CPQ: variants seen among roughly 807,000 people sequenced by gnomAD.
CPQ encodes carboxypeptidase Q, also known as Ser-Met dipeptidase.
In CPQ, 37 loss-of-function variants were observed where a neutral mutation model predicts 45.7. The observed-to-expected ratio is 0.81, with a 90% confidence interval of 0.62 to 1.07. The LOEUF is 1.07. Ranked by LOEUF, CPQ falls within the 50% of genes least tolerant of loss-of-function variation. The pLI, the probability that CPQ is intolerant of heterozygous loss-of-function variation, is 0.00. For synonymous variants in CPQ, 186 were observed against 205.8 expected, an observed-to-expected ratio of 0.90 and a Z score of 0.82; for missense variants, 537 against 572.9, an observed-to-expected ratio of 0.94 and a Z score of 0.64.
intron 4 of CPQ, among the ~76,000 whole-genome samples, chr8:96,924,097 G>A (rs1390332823): frequency 6.6e-6 from 1 of 152,128 alleles, no homozygotes; most frequent in African/African-American, 2.4e-5. Flanking sequence ...AGAAGACAAG[G>A]GCATGCATAG....
At chr8:97,135,130 A>T (rs1230174069) in intron 7 of CPQ, among the ~76,000 whole-genome samples, 1 of 152,212 alleles carries the variant, frequency 6.6e-6, no homozygotes, top group Admixed American at 6.5e-5. Context: ...AAGGTTTCCA[A>T]AGAGATAGAA....
chr8:96,770,930 T>A (rs1810534887), intron 1 of CPQ, among the ~76,000 whole-genome samples: 2 of 148,854 alleles, frequency 1.3e-5, no homozygotes, highest in South Asian at 4.2e-4. Context: ...TCCCTCCTTA[T>A]AACCCAAAGA....
At chr8:96,847,725 A>G (rs1253368870) in intron 3 of CPQ, among the ~76,000 whole-genome samples, 1 of 152,154 alleles carries the variant, frequency 6.6e-6, no homozygotes, top group African/African-American at 2.4e-5. Flanking sequence ...TAGAATATGC[A>G]AATAAAGATC....
intron 1 of CPQ, among the ~76,000 whole-genome samples, chr8:96,744,025 C>T (rs952963905): frequency 6.6e-6 from 1 of 152,232 alleles, no homozygotes; most frequent in African/African-American, 2.4e-5. Flanking sequence ...TTCCTGGCTC[C>T]TTTGTTTACC....
chr8:97,024,946 G>A (rs567962410), intron 5 of CPQ, among the ~76,000 whole-genome samples: 1 of 152,168 alleles, frequency 6.6e-6, no homozygotes, highest in Non-Finnish European at 1.5e-5. Context: ...GATCACAGAA[G>A]GGAGAATGAT....
At position 96,686,518 on chromosome 8, in the gene CPQ, A is replaced by G. The variant is rs191166486; in HGVS notation, c.-35+41116A>G. Among the ~76,000 whole-genome samples the G allele has an allele frequency of 3.9e-5, 6 of 152,078 alleles. No homozygotes were observed. The East Asian group carries it at 1.2e-3, about 29-fold the overall frequency. ...ATTATATTAATAGATTTATTGTTAT[A>G]CATTATTCTTTTATTTGGTGCATAA... On this transcript the variant is annotated intron_variant, in intron 1 of 7. Coordinates refer to ENST00000220763, the MANE Select transcript of CPQ (RefSeq NM_016134.4).
At chr8:96,652,923 C>T (rs1226574288) in intron 1 of CPQ, among the ~76,000 whole-genome samples, 3 of 152,128 alleles carry the variant, frequency 2.0e-5, no homozygotes, top group East Asian at 3.9e-4. Flanking sequence ...CGTGAGCCAC[C>T]GCACCCGGCC....
intron 7 of CPQ, among the ~76,000 whole-genome samples, chr8:97,115,969 G>T (rs1210985941): frequency 6.6e-6 from 1 of 152,090 alleles, no homozygotes; most frequent in Non-Finnish European, 1.5e-5. Flanking sequence ...ATAAAGGCAA[G>T]GACACTTAAA....
At chr8:97,139,194 C>G (rs998119767) in intron 7 of CPQ, among the ~76,000 whole-genome samples, 7 of 152,058 alleles carry the variant, frequency 4.6e-5, no homozygotes, top group Non-Finnish European at 8.8e-5. Flanking sequence ...TTCAATTTAC[C>G]AGGGATACAT....
At chr8:96,895,030 CTATT>C (rs1371439384) in intron 4 of CPQ, among the ~76,000 whole-genome samples, 1 of 152,164 alleles carries the variant, frequency 6.6e-6, no homozygotes, top group African/African-American at 2.4e-5. Flanking sequence ...CATTGACTGA[CTATT>C]TATTGAGTGC....
chr8:96,873,650 C>G (rs1394867697), intron 3 of CPQ, among the ~76,000 whole-genome samples: 1 of 151,640 alleles, frequency 6.6e-6, no homozygotes, highest in Non-Finnish European at 1.5e-5. Context: ...AAAGACTATA[C>G]CTTCAAAAGC....
intron 5 of CPQ, among the ~76,000 whole-genome samples, chr8:96,994,736 C>T (rs1452482576): frequency 6.6e-6 from 1 of 152,058 alleles, no homozygotes; most frequent in African/African-American, 2.4e-5. Context: ...CAATTTATTC[C>T]TGTTGACCTA....
chr8:96,862,646 A>C (rs1811941258), intron 3 of CPQ, among the ~76,000 whole-genome samples: 1 of 152,038 alleles, frequency 6.6e-6, no homozygotes, highest in Admixed American at 6.6e-5. Context: ...AGGATTAGAC[A>C]ATTAGATATG....
chr8:96,722,777 G>C (rs182203853), intron 1 of CPQ, among the ~76,000 whole-genome samples: 2 of 152,240 alleles, frequency 1.3e-5, no homozygotes, highest in African/African-American at 4.8e-5. Context: ...TAGTGACTTA[G>C]AGATCCAGGC....
intron 1 of CPQ, among the ~76,000 whole-genome samples, chr8:96,684,714 T>C (rs1809203017): frequency 6.6e-6 from 1 of 152,032 alleles, no homozygotes; most frequent in South Asian, 2.1e-4. Context: ...TGTGCACAGA[T>C]ACCAGCAGCA....
At chr8:97,102,557 A>G (rs1811332270) in intron 7 of CPQ, among the ~76,000 whole-genome samples, 1 of 152,146 alleles carries the variant, frequency 6.6e-6, no homozygotes, top group Admixed American at 6.6e-5. Flanking sequence ...TTTGATTAGG[A>G]ACATGGTCCA....
At chr8:96,981,291 T>C (rs529646702) in intron 5 of CPQ, among the ~76,000 whole-genome samples, 2 of 152,338 alleles carry the variant, frequency 1.3e-5, no homozygotes, top group East Asian at 3.9e-4. Context: ...AATAATGGCA[T>C]CTTTTAAAAG....
intron 1 of CPQ, among the ~76,000 whole-genome samples, chr8:96,715,289 G>C (rs1488342291): frequency 6.6e-6 from 1 of 152,136 alleles, no homozygotes; most frequent in Non-Finnish European, 1.5e-5. Context: ...AGCCACATTA[G>C]CTTCCCAGCC....
chr8:96,671,323 T>A (rs991965453), intron 1 of CPQ, among the ~76,000 whole-genome samples: 1 of 152,210 alleles, frequency 6.6e-6, no homozygotes, highest in Non-Finnish European at 1.5e-5. Flanking sequence ...AAAAAGCGTG[T>A]GTGTGTGTAA....
Sources: allele counts gnomAD v4.1 joint callset (sites outside exome capture counted in the v4.1 genomes callset), GRCh38; gene constraint gnomAD v4.1.1; transcripts MANE v1.5; gene names NCBI Gene and HGNC (gene_info 2026-07-23, HGNC 2026-07-21).